Variants in ACAP2 observed in about 807,000 individuals in gnomAD.
ACAP2 encodes the protein arf-GAP with coiled-coil, ANK repeat and PH domain-containing protein 2.
ACAP2 carries 39 observed loss-of-function variants against 115.8 expected under a neutral mutation model. The observed-to-expected ratio is 0.34, with a 90% CI of 0.26 to 0.44. ACAP2 has a LOEUF of 0.44. Among genes scored for constraint, ACAP2 ranks in the 20% least tolerant of loss-of-function variants. The pLI is 1.00. For synonymous variants in ACAP2, 289 were observed against 315.8 expected (o/e 0.92, Z 0.90); for missense variants, 662 against 927.6 (o/e 0.71, Z 3.72).
At chr3:195,327,150 A>C (rs1181656047) in intron 8 of ACAP2, among the ~76,000 whole-genome samples, 191 bp from the exon 9 acceptor site, 5 of 152,334 alleles carry the variant, frequency 3.3e-5, no homozygotes, top group Admixed American at 3.3e-4. Flanking sequence ...GAGAAGATCC[A>C]TATCTCCACT....
intron 1 of ACAP2, among the ~76,000 whole-genome samples, chr3:195,427,021 TATCATCTGACCTTGAGA>T (rs1714737582): frequency 6.6e-6 from 1 of 151,774 alleles, no homozygotes; most frequent in Admixed American, 6.6e-5. Flanking sequence ...TTAAGGTTGC[TATCATCTGACCTTGAGA>T]TTGGGAGATT....
chr3:195,352,618 A>C (rs149829963), intron 4 of ACAP2, among the ~76,000 whole-genome samples: 64 of 152,346 alleles, frequency 4.2e-4, no homozygotes, highest in African/African-American at 1.5e-3. Context: ...ACCTAAAAAC[A>C]ACCCCAAAGT....
At chr3:195,392,052 A>G in intron 2 of ACAP2, 38 bp downstream of exon 2, 1 of 1,540,558 alleles carries the variant, frequency 6.5e-7, no homozygotes, top group Non-Finnish European at 9.0e-7. Flanking sequence ...ACAGCAAACG[A>G]GAATCAATGT....
intron 1 of ACAP2, among the ~76,000 whole-genome samples, chr3:195,404,437 T>C (rs1409649917): frequency 6.6e-6 from 1 of 152,052 alleles, no homozygotes; most frequent in African/African-American, 2.4e-5. Flanking sequence ...CCCAGAAATA[T>C]AAAATTATTG....
intron 8 of ACAP2, among the ~76,000 whole-genome samples, chr3:195,331,719 G>A (rs1248023950): frequency 6.6e-6 from 1 of 151,970 alleles, no homozygotes; most frequent in Non-Finnish European, 1.5e-5. Context: ...AAGAATGTTC[G>A]TCAATAAAAA....
intron 1 of ACAP2, among the ~76,000 whole-genome samples, chr3:195,408,596 C>A (rs749450554): frequency 4.6e-5 from 7 of 152,146 alleles, no homozygotes; most frequent in African/African-American, 1.2e-4. Flanking sequence ...AACTTCCAAA[C>A]TCATTTTATG....
chr3:195,410,835 AT>A, intron 1 of ACAP2: 1 of 174,340 alleles, frequency 5.7e-6, no homozygotes, highest in Non-Finnish European at 1.3e-5. Context: ...TCATGAATGG[AT>A]TAGTGCTCTT....
intron 2 of ACAP2, among the ~76,000 whole-genome samples, chr3:195,383,241 G>A (rs1183283891): frequency 6.6e-6 from 1 of 151,928 alleles, no homozygotes; most frequent in Non-Finnish European, 1.5e-5. Context: ...AATATTTGAA[G>A]AGTAATAAGG....
intron 10 of ACAP2, among the ~76,000 whole-genome samples, chr3:195,310,357 C>T (rs1019122620): frequency 1.3e-5 from 2 of 152,114 alleles, no homozygotes; most frequent in African/African-American, 4.8e-5. Context: ...AAAGGAAGAA[C>T]TTCTGGGTTT....
chr3:195,309,946 C>T (rs1203236405), intron 10 of ACAP2, among the ~76,000 whole-genome samples: 1 of 151,914 alleles, frequency 6.6e-6, no homozygotes, highest in Admixed American at 6.6e-5. Flanking sequence ...CAGCCAAAAG[C>T]CATTCAGAAA....
At chr3:195,305,714 T>C (rs969811669) in intron 13 of ACAP2, among the ~76,000 whole-genome samples, 5 of 152,092 alleles carry the variant, frequency 3.3e-5, no homozygotes, top group African/African-American at 1.2e-4. Context: ...CCTTCGTCAA[T>C]GTTCCCATCA....
At chr3:195,433,592 C>T (rs1715306808) in intron 1 of ACAP2, among the ~76,000 whole-genome samples, 1 of 151,982 alleles carries the variant, frequency 6.6e-6, no homozygotes, top group African/African-American at 2.4e-5. Flanking sequence ...TAAAGATGGC[C>T]GTTATCAAAT....
Position 195,279,100 on chromosome 3 carries a change from T to C in ACAP2, c.*228A>G, listed in dbSNP as rs1263668896. On this transcript the variant is annotated 3_prime_UTR_variant, in exon 23 of 23. Coordinates refer to ENST00000326793, the MANE Select transcript of ACAP2 (RefSeq NM_012287.6). ...TAGACTGAACTTCTGTCTACAGAAATAGCCCTTTAAATAGGCTTTTTTAAT... is the reference window on the plus strand; with the variant it reads ...TAGACTGAACTTCTGTCTACAGAAACAGCCCTTTAAATAGGCTTTTTTAAT... 5 of 365,922 alleles carry C rather than the reference T, an allele frequency of 1.4e-5. No individual in the cohort carries two copies. The Admixed American group carries it at 2.3e-4, about 17-fold the overall frequency. The allele number at this position is 365,922 out of a possible 1,614,324, so 22.7% of individuals were successfully genotyped here.
At chr3:195,365,034 T>C (rs559695815) in intron 4 of ACAP2, among the ~76,000 whole-genome samples, 2 of 152,302 alleles carry the variant, frequency 1.3e-5, no homozygotes, top group South Asian at 4.1e-4. Flanking sequence ...CACAGAAAGA[T>C]AAACCTCGCG....
rs956759324 is a variant in ACAP2 at position 195,412,536 on chromosome 3, C to T, written c.54-20389G>A. On this transcript the variant is annotated intron_variant, in intron 1 of 22. Coordinates refer to ENST00000326793, the MANE Select transcript of ACAP2 (RefSeq NM_012287.6). ...CTGAGGCAGGAGAAGCGCTTGAACC[C>T]GGGAGGCGGAGGTTGCAATGAGCTG... is the stretch of plus-strand genomic sequence containing the variant. Among the ~76,000 whole-genome samples the T allele has an allele frequency of 4.6e-5, 7 of 152,028 alleles. No homozygotes were observed. In the East Asian group the frequency reaches 9.6e-4, roughly 21 times the overall value.
chr3:195,301,523 C>A, intron 15 of ACAP2, 52 bp downstream of exon 15: 1 of 1,352,896 alleles, frequency 7.4e-7, no homozygotes, highest in South Asian at 1.2e-5. Flanking sequence ...ATTCTAAAAT[C>A]TTCACTTTCA....
chr3:195,424,173 C>T (rs781125154), intron 1 of ACAP2, among the ~76,000 whole-genome samples: 12 of 146,904 alleles, frequency 8.2e-5, no homozygotes, highest in Non-Finnish European at 1.5e-4. Context: ...GCATATATCT[C>T]GGAGTTGTGA....
intron 1 of ACAP2, chr3:195,442,352 G>A (rs570858589): frequency 2.4e-4 from 45 of 190,716 alleles, no homozygotes; most frequent in Non-Finnish European, 4.3e-4. Context: ...AACTGCAAGA[G>A]GATGCCCTGA....
intron 1 of ACAP2, among the ~76,000 whole-genome samples, chr3:195,417,604 G>A (rs963468940): frequency 6.6e-6 from 1 of 152,026 alleles, no homozygotes; most frequent in African/African-American, 2.4e-5. Flanking sequence ...AGTTAATGAC[G>A]TCGACACACT....
Sources: gnomAD v4.1 joint callset for allele counts (sites outside exome capture counted in the v4.1 genomes callset) on GRCh38, gnomAD v4.1.1 for gene constraint, MANE v1.5 for transcripts, NCBI Gene and HGNC (gene_info 2026-07-23, HGNC 2026-07-21) for gene names.